TRIM8: variants seen among roughly 807,000 people sequenced by gnomAD.
TRIM8 encodes the protein E3 ubiquitin-protein ligase TRIM8.
A neutral mutation model predicts 55.7 loss-of-function variants in TRIM8; 9 were observed. That is an observed-to-expected ratio of 0.16 (90% CI 0.10 to 0.28). TRIM8 has a LOEUF of 0.28. Ranked by LOEUF, TRIM8 falls within the 10% of genes least tolerant of loss-of-function variation. The pLI, the probability that TRIM8 is intolerant of heterozygous loss-of-function variation, is 1.00. For synonymous variants in TRIM8, 335 were observed against 333.3 expected (o/e 1.01, Z -0.06); for missense variants, 556 against 736.4 (o/e 0.76, Z 2.83).
intron 3 of TRIM8, 135 bp downstream of exon 3, chr10:102,655,448 G>C (rs2064016459): frequency 1.2e-6 from 1 of 822,796 alleles, no homozygotes. Flanking sequence ...CCACCTGCCT[G>C]CTCTTTCTAG....
At chr10:102,654,561 G>C in intron 1 of TRIM8, 92 bp from the exon 2 acceptor site, 2 of 1,023,594 alleles carry the variant, frequency 2.0e-6, no homozygotes, top group South Asian at 2.6e-5. Context: ...CGGGTCAAAG[G>C]ATCCATAGGA....
chr10:102,645,228 G>A, intron 1 of TRIM8, 41 bp downstream of exon 1: 1 of 1,429,858 alleles, frequency 7.0e-7, no homozygotes, highest in Non-Finnish European at 9.3e-7. Flanking sequence ...CACACACACA[G>A]ACACACAGTC....
intron 1 of TRIM8, among the ~76,000 whole-genome samples, chr10:102,651,398 C>T (rs989729561): frequency 7.2e-5 from 11 of 152,192 alleles, no homozygotes; most frequent in Non-Finnish European, 1.5e-4. Flanking sequence ...AGGGGTCACT[C>T]CCTGGGCATC....
chr10:102,645,865 A>G (rs1203858427), intron 1 of TRIM8: 1 of 152,326 alleles, frequency 6.6e-6, no homozygotes, highest in South Asian at 2.0e-4. Flanking sequence ...CACGGGCCGC[A>G]TGAACAAGCC....
At chr10:102,653,876 C>A (rs1294675866) in intron 1 of TRIM8, 1 of 152,258 alleles carries the variant, frequency 6.6e-6, no homozygotes, top group African/African-American at 2.4e-5. Flanking sequence ...AGAGGATGCT[C>A]CCCAGGGAGA....
At chr10:102,645,401 A>T in intron 1 of TRIM8, 2 of 518,674 alleles carry the variant, frequency 3.9e-6, no homozygotes, top group Non-Finnish European at 6.7e-6. Context: ...CTGTGCGCAC[A>T]GGGTCCGTCT....
Position 102,657,461 on chromosome 10 carries a change from C to G in TRIM8, c.*107C>G. On this transcript the variant is annotated 3_prime_UTR_variant, in exon 6 of 6. Transcript: ENST00000643721. The stretch of plus-strand genomic sequence containing the variant: ...TCTACCTTCCTCGCCTCCCCTCTTC[C>G]TCATTCCATTGCCCCAGGTCTTTTC... 7.5e-7 allele frequency: 1 copy of G among 1,336,476 alleles called. No individual in the cohort carries two copies. Among genetic ancestry groups the G allele is most frequent in the Non-Finnish European group, 1.0e-6 (1 of 991,834 alleles). 82.8% of individuals were successfully genotyped at this position (1,336,476 alleles called of 1,614,324 possible).
At chr10:102,650,298 A>T (rs2135978994) in intron 1 of TRIM8, among the ~76,000 whole-genome samples, 3 of 152,212 alleles carry the variant, frequency 2.0e-5, no homozygotes, top group Middle Eastern at 6.8e-3. Flanking sequence ...CTGGGGCAGG[A>T]ATGTAGGGGC....
rs768734642 is a variant in TRIM8, at chr10:102,656,733, C to T, written c.1049-14C>T. 4 of 1,507,568 alleles carry T rather than the reference C, an allele frequency of 2.7e-6. No individual in the cohort carries two copies. The South Asian group carries it at 4.1e-5, about 15-fold the overall frequency. The allele number at this position is 1,507,568 out of a possible 1,614,324, so 93.4% of individuals were successfully genotyped here. ...GGTGGGAGCTTTGGCGACTTTTGCC[C>T]CAACTCTCCACAGGCCCCTTCAGCA... On this transcript the variant is annotated splice_polypyrimidine_tract_variant and intron_variant, in intron 5 of 5. Coordinates refer to ENST00000643721, the MANE Select transcript of TRIM8 (RefSeq NM_030912.3). This position sits in a 1 kb window ranked among gnomAD's most constrained non-coding sequence, Gnocchi z 4.6.
At chr10:102,654,360 C>T (rs565980625) in intron 1 of TRIM8, 5 of 263,718 alleles carry the variant, frequency 1.9e-5, no homozygotes, top group South Asian at 1.6e-4. Context: ...TCACTTGAAC[C>T]GGGGAGGCGG....
chr10:102,652,016 C>G (rs1008962252), intron 1 of TRIM8, among the ~76,000 whole-genome samples: 2 of 152,188 alleles, frequency 1.3e-5, no homozygotes, highest in Non-Finnish European at 2.9e-5. Flanking sequence ...GCTGTGTGTG[C>G]TGTCGGGCTC....
intron 2 of TRIM8, 33 bp from the exon 3 acceptor site, chr10:102,655,047 C>A: frequency 6.2e-7 from 1 of 1,609,198 alleles, no homozygotes; most frequent in South Asian, 1.1e-5. Context: ...CAGTGCTTAC[C>A]TGCCTGCCCA....
Position 102,657,368 on chromosome 10 carries a change from G to T in TRIM8, c.*14G>T. ...GTGACGAGCTAACGCCACGCAGGCG[G>T]CGGGGCGCTGGGGAATCTTCCTCCC... On this transcript the variant is annotated 3_prime_UTR_variant, in exon 6 of 6. Coordinates refer to ENST00000643721, the MANE Select transcript of TRIM8 (RefSeq NM_030912.3). The T allele has an allele frequency of 5.2e-6, 8 of 1,540,398 alleles. No individual in the cohort carries two copies. The highest frequency in any genetic ancestry group is 4.5e-5 in the East Asian group (2 of 44,008).
rs2064043101 is a variant in TRIM8, at chr10:102,658,028, T to TTGCC, written c.*675_*678dup. Reference sequence around the variant, plus strand: ...TGTCCAGGAAAGGGGAAAAGGAACTTTGCCAATGATAGTGACCACAGCAAA... The same window carrying TTGCC: ...TGTCCAGGAAAGGGGAAAAGGAACTTTGCCTGCCAATGATAGTGACCACAGCAAA... On this transcript the variant is annotated 3_prime_UTR_variant, in exon 6 of 6. Transcript: ENST00000643721. 6.6e-6 allele frequency: 1 copy of TTGCC among 152,322 alleles called. No homozygotes were observed. The allele number at this position is 152,322 out of a possible 1,614,324, so 9.4% of individuals were successfully genotyped here.
Position 102,657,375 on chromosome 10 carries a change from G to T in TRIM8, c.*21G>T. ...GCTAACGCCACGCAGGCGGCGGGGC[G>T]CTGGGGAATCTTCCTCCCCAGCCCC... On this transcript the variant is annotated 3_prime_UTR_variant, in exon 6 of 6. Coordinates refer to ENST00000643721, the MANE Select transcript of TRIM8 (RefSeq NM_030912.3). 1.3e-6 allele frequency: 2 copies of T among 1,532,848 alleles called. No homozygotes were observed. Among genetic ancestry groups the T allele is most frequent in the Non-Finnish European group, 1.8e-6 (2 of 1,137,716 alleles). The allele number at this position is 1,532,848 out of a possible 1,614,324, so 95.0% of individuals were successfully genotyped here.
chr10:102,649,515 TC>T (rs1451634679), intron 1 of TRIM8, among the ~76,000 whole-genome samples: 4 of 152,184 alleles, frequency 2.6e-5, no homozygotes, highest in Non-Finnish European at 5.9e-5. Context: ...GCTGGCCTCC[TC>T]CCTGGCTCTG....
In TRIM8 at chr10:102,657,616, CTG is replaced by C. The variant is rs966827697; in HGVS notation, c.*266_*267del. 8.2e-5 allele frequency: 35 copies of C among 427,414 alleles called. No individual in the cohort carries two copies. Among genetic ancestry groups the C allele is most frequent in the Admixed American group, 5.0e-4 (12 of 24,214 alleles). The allele number at this position is 427,414 out of a possible 1,614,324, so 26.5% of individuals were successfully genotyped here. A position where few individuals can be genotyped will look rare whatever the true frequency, so the allele number is the denominator to read the frequency against. On this transcript the variant is annotated 3_prime_UTR_variant, in exon 6 of 6. Coordinates refer to ENST00000643721, the MANE Select transcript of TRIM8 (RefSeq NM_030912.3). ...GGTGGCCCTGGAGATGGGAAAGTGT[CTG>C]TGTCGAGGCGCTGAGCTCTCTCTCT...
At chr10:102,645,213 A>ACG in intron 1 of TRIM8, 26 bp downstream of exon 1, 1 of 1,254,134 alleles carries the variant, frequency 8.0e-7, no homozygotes, top group South Asian at 1.6e-5. Flanking sequence ...GCGCGCGCGC[A>ACG]CACACACACA....
intron 1 of TRIM8, among the ~76,000 whole-genome samples, chr10:102,646,760 G>A (rs1415297736): frequency 1.3e-5 from 2 of 152,196 alleles, no homozygotes; most frequent in Non-Finnish European, 2.9e-5. Flanking sequence ...GGGGGAGGAG[G>A]CCGGGAAAAG....
Sources: allele counts gnomAD v4.1 joint callset (sites outside exome capture counted in the v4.1 genomes callset), GRCh38; gene constraint gnomAD v4.1.1; non-coding constraint Gnocchi (gnomAD v3.1); transcripts MANE v1.5; gene names NCBI Gene and HGNC (gene_info 2026-07-23, HGNC 2026-07-21).